Variants in MDGA2 observed in about 807,000 individuals in gnomAD.
MDGA2 encodes the protein MAM domain containing glycosylphosphatidylinositol anchor 2.
MDGA2 carries 40 observed loss-of-function variants against 117.8 expected under a neutral mutation model. That is an observed-to-expected ratio of 0.34 (90% CI 0.26 to 0.44). The LOEUF (loss-of-function observed/expected upper bound fraction) is 0.44, where lower values mean the gene tolerates loss of function less well. MDGA2 is among the 20% of genes least tolerant of loss of function. MDGA2 has a pLI of 1.00. For missense variants in MDGA2, 1,123 were observed against 1,250.6 expected (o/e 0.90, Z 1.54); for synonymous variants, 452 against 439.0 (o/e 1.03, Z -0.37).
chr14:47,459,535 CTCTTTCTT>C (rs5808400), intron 1 of MDGA2, among the ~76,000 whole-genome samples: 4 of 149,802 alleles, frequency 2.7e-5, no homozygotes, highest in Non-Finnish European at 1.5e-5. Flanking sequence ...TCCCTCCCTT[CTCTTTCTT>C]TCTTCCTTCC....
intron 1 of MDGA2, among the ~76,000 whole-genome samples, chr14:47,617,937 T>G (rs1250297597): frequency 1.3e-5 from 2 of 152,130 alleles, no homozygotes; most frequent in African/African-American, 2.4e-5. Flanking sequence ...CCCAAACAGC[T>G]TCTTAATAAA....
At chr14:46,885,833 T>C (rs953570637) in intron 10 of MDGA2, among the ~76,000 whole-genome samples, 1 of 152,150 alleles carries the variant, frequency 6.6e-6, no homozygotes, top group Non-Finnish European at 1.5e-5. Context: ...AGGAGGACGC[T>C]GCACATGCCT....
At chr14:47,340,526 T>C (rs1304144855) in intron 1 of MDGA2, among the ~76,000 whole-genome samples, 1 of 152,172 alleles carries the variant, frequency 6.6e-6, no homozygotes, top group Non-Finnish European at 1.5e-5. Flanking sequence ...CACAGAGATA[T>C]AATTTCCAGA....
intron 10 of MDGA2, among the ~76,000 whole-genome samples, chr14:46,888,590 G>C (rs1450326718): frequency 6.6e-6 from 1 of 151,708 alleles, no homozygotes; most frequent in African/African-American, 2.4e-5. Context: ...AAAGGTCTCA[G>C]GAGGAAAAAA....
At chr14:47,541,158 G>C (rs928271298) in intron 1 of MDGA2, among the ~76,000 whole-genome samples, 6 of 152,164 alleles carry the variant, frequency 3.9e-5, no homozygotes, top group African/African-American at 1.2e-4. Flanking sequence ...TCTGAAAAGA[G>C]TAATTATTTA....
At chr14:47,044,547 C>T (rs998369369) in intron 7 of MDGA2, among the ~76,000 whole-genome samples, 28 of 152,118 alleles carry the variant, frequency 1.8e-4, no homozygotes, top group African/African-American at 6.0e-4. Flanking sequence ...ATAAATATGT[C>T]TTCACACCAG....
At chr14:47,017,175 T>A (rs573448476) in intron 8 of MDGA2, among the ~76,000 whole-genome samples, 2 of 152,030 alleles carry the variant, frequency 1.3e-5, no homozygotes, top group Admixed American at 1.3e-4. Context: ...GAAAACATTT[T>A]CCTGACTTCA....
chr14:47,464,889 C>A (rs1250735928), intron 1 of MDGA2, among the ~76,000 whole-genome samples: 1 of 151,628 alleles, frequency 6.6e-6, no homozygotes, highest in African/African-American at 2.4e-5. Flanking sequence ...CAAAACAAAA[C>A]AAACAAAAAA....
chr14:46,935,330 T>C (rs774863333), intron 9 of MDGA2, among the ~76,000 whole-genome samples: 11 of 152,262 alleles, frequency 7.2e-5, no homozygotes, highest in Non-Finnish European at 1.2e-4. Flanking sequence ...CAGCTCACCC[T>C]ACATATCCCG....
chr14:47,649,658 C>G (rs754078619), intron 1 of MDGA2, among the ~76,000 whole-genome samples: 1 of 150,790 alleles, frequency 6.6e-6, no homozygotes, highest in Non-Finnish European at 1.5e-5. Flanking sequence ...GCCCTCCAGC[C>G]TGGGCAACAG....
intron 3 of MDGA2, among the ~76,000 whole-genome samples, chr14:47,160,127 C>T (rs1027065009): frequency 1.3e-5 from 2 of 152,246 alleles, no homozygotes; most frequent in East Asian, 1.9e-4. Flanking sequence ...TCTTCCACAA[C>T]GAGTTGAACC....
At chr14:47,018,936 G>C (rs1888186178) in intron 8 of MDGA2, among the ~76,000 whole-genome samples, 2 of 151,974 alleles carry the variant, frequency 1.3e-5, no homozygotes, top group Non-Finnish European at 2.9e-5. Flanking sequence ...GTGTTCACAT[G>C]GCACCTCTGA....
At chr14:47,658,955 G>C (rs917505595) in intron 1 of MDGA2, among the ~76,000 whole-genome samples, 1 of 152,090 alleles carries the variant, frequency 6.6e-6, no homozygotes, top group Non-Finnish European at 1.5e-5. Context: ...CTCTTCCCAG[G>C]CTCCCTTCTT....
At chr14:46,989,333 G>T (rs947464) in intron 8 of MDGA2, among the ~76,000 whole-genome samples, 1 of 134,422 alleles carries the variant, frequency 7.4e-6, no homozygotes, top group Non-Finnish European at 1.6e-5. Context: ...AAAAAAAAAA[G>T]GGGGGTATCC....
intron 2 of MDGA2, among the ~76,000 whole-genome samples, chr14:47,273,449 C>G (rs536167447): frequency 6.6e-6 from 1 of 151,908 alleles, no homozygotes; most frequent in African/African-American, 2.4e-5. Flanking sequence ...GGTGCTTTAA[C>G]GAAAGATAAA....
At chr14:47,438,719 C>T (rs1483691135) in intron 1 of MDGA2, among the ~76,000 whole-genome samples, 2 of 152,086 alleles carry the variant, frequency 1.3e-5, no homozygotes, top group Non-Finnish European at 2.9e-5. Context: ...CTGTTAGGAC[C>T]TGATTCATTA....
At chr14:46,882,754 A>T (rs914494259) in intron 10 of MDGA2, among the ~76,000 whole-genome samples, 6 of 151,844 alleles carry the variant, frequency 4.0e-5, no homozygotes, top group African/African-American at 1.5e-4. Flanking sequence ...AGAGAAAAAT[A>T]AAAAATCACA....
At chr14:47,605,328 T>C (rs1896723019) in intron 1 of MDGA2, among the ~76,000 whole-genome samples, 2 of 152,212 alleles carry the variant, frequency 1.3e-5, no homozygotes, top group South Asian at 4.1e-4. Context: ...ATTTGTGTGT[T>C]TGTATATGTG....
At chr14:46,944,735 G>T (rs1198852585) in intron 9 of MDGA2, among the ~76,000 whole-genome samples, 1 of 151,778 alleles carries the variant, frequency 6.6e-6, no homozygotes, top group Non-Finnish European at 1.5e-5. Context: ...CCCACCCATA[G>T]AATTTTTCTT....
Sources: gnomAD v4.1 joint callset for allele counts (sites outside exome capture counted in the v4.1 genomes callset) on GRCh38, gnomAD v4.1.1 for gene constraint, MANE v1.5 for transcripts, NCBI Gene and HGNC (gene_info 2026-07-23, HGNC 2026-07-21) for gene names.